The following ZDHHC14 variants were observed in gnomAD, a reference collection of about 807,000 sequenced individuals.
ZDHHC14 encodes the protein palmitoyltransferase ZDHHC14.
In ZDHHC14, 16 loss-of-function variants were observed where a neutral mutation model predicts 47.7. The observed-to-expected ratio is 0.34, with a 90% CI of 0.23 to 0.51. The LOEUF (loss-of-function observed/expected upper bound fraction) is 0.51. ZDHHC14 is among the 20% of genes least tolerant of loss of function. The probability of loss-of-function intolerance (pLI) is 0.97; values close to 1 mark genes in which losing one functional copy is unlikely to be tolerated. For synonymous variants in ZDHHC14, 293 were observed against 278.9 expected, an observed-to-expected ratio of 1.05 and a Z score of -0.50; for missense variants, 515 against 662.5, an observed-to-expected ratio of 0.78 and a Z score of 2.44.
chr6:157,571,049 C>T (rs958987005), intron 2 of ZDHHC14, among the ~76,000 whole-genome samples: 2 of 152,122 alleles, frequency 1.3e-5, no homozygotes, highest in Non-Finnish European at 2.9e-5. Context: ...TTTACTGGGG[C>T]CATTCTATGT....
chr6:157,579,788 C>G (rs1387594175), intron 2 of ZDHHC14, among the ~76,000 whole-genome samples: 2 of 152,156 alleles, frequency 1.3e-5, no homozygotes, highest in Non-Finnish European at 2.9e-5. Context: ...AGCTTTTGGG[C>G]AGAGACTCTG....
intron 1 of ZDHHC14, among the ~76,000 whole-genome samples, chr6:157,467,602 T>C (rs1439690724): frequency 6.6e-6 from 1 of 151,704 alleles, no homozygotes; most frequent in Non-Finnish European, 1.5e-5. Flanking sequence ...TAGGCTGGAG[T>C]ACAGTGACAT....
intron 7 of ZDHHC14, among the ~76,000 whole-genome samples, chr6:157,648,807 C>T (rs548407674): frequency 1.3e-5 from 2 of 152,306 alleles, no homozygotes; most frequent in Non-Finnish European, 2.9e-5. Flanking sequence ...TTTGTCACAG[C>T]GTCCATGGTG....
chr6:157,611,467 G>A (rs149564573), intron 3 of ZDHHC14, among the ~76,000 whole-genome samples: 2,373 of 152,230 alleles, frequency 0.016, 60 homozygotes, highest in African/African-American at 0.054. Context: ...TTTGGAGAGA[G>A]CATCCCTGGC....
intron 5 of ZDHHC14, among the ~76,000 whole-genome samples, chr6:157,636,025 C>T (rs963208679): frequency 5.9e-5 from 9 of 152,140 alleles, no homozygotes; most frequent in Non-Finnish European, 8.8e-5. Context: ...TTCCCGGCAC[C>T]TCCTCCACAC....
chr6:157,429,766 C>T (rs1204555494), intron 1 of ZDHHC14, among the ~76,000 whole-genome samples: 1 of 152,220 alleles, frequency 6.6e-6, no homozygotes, highest in African/African-American at 2.4e-5. Context: ...CAGCAGCCAT[C>T]TGTCTTCTCC....
intron 3 of ZDHHC14, among the ~76,000 whole-genome samples, chr6:157,623,129 C>T (rs560040453): frequency 1.1e-4 from 17 of 152,344 alleles, no homozygotes; most frequent in African/African-American, 3.6e-4. Flanking sequence ...CATTCACCAG[C>T]TGGCTCTTAG....
intron 2 of ZDHHC14, among the ~76,000 whole-genome samples, chr6:157,548,365 G>C (rs540714222): frequency 6.6e-6 from 1 of 152,258 alleles, no homozygotes; most frequent in South Asian, 2.1e-4. Flanking sequence ...CCGGTGTGGG[G>C]GTCCTTGCTG....
intron 3 of ZDHHC14, among the ~76,000 whole-genome samples, chr6:157,613,871 A>T (rs1450364552): frequency 1.3e-5 from 2 of 152,208 alleles, no homozygotes; most frequent in Non-Finnish European, 2.9e-5. Context: ...GGAATGAAAA[A>T]AAAAGTCTAA....
chr6:157,412,058 C>G (rs1430897117), intron 1 of ZDHHC14, among the ~76,000 whole-genome samples: 3 of 151,356 alleles, frequency 2.0e-5, no homozygotes, highest in Non-Finnish European at 4.4e-5. Context: ...CCTGCCTCAG[C>G]CTCCCAAGTA....
chr6:157,397,139 G>A (rs1777537539), intron 1 of ZDHHC14, among the ~76,000 whole-genome samples: 1 of 152,186 alleles, frequency 6.6e-6, no homozygotes, highest in African/African-American at 2.4e-5. Flanking sequence ...GTATTGTCAA[G>A]ACAGATCTCA....
At chr6:157,657,615 A>G (rs1583086332) in intron 8 of ZDHHC14, among the ~76,000 whole-genome samples, 1 of 152,196 alleles carries the variant, frequency 6.6e-6, no homozygotes, top group Non-Finnish European at 1.5e-5. Flanking sequence ...ATCAGTGAGT[A>G]CCATGGTCTA....
At chr6:157,475,270 C>T (rs1262737303) in intron 1 of ZDHHC14, among the ~76,000 whole-genome samples, 1 of 152,066 alleles carries the variant, frequency 6.6e-6, no homozygotes, top group African/African-American at 2.4e-5. Context: ...GTTTTGATTA[C>T]TATTGTTTTC....
intron 1 of ZDHHC14, among the ~76,000 whole-genome samples, chr6:157,459,234 G>GACGTA (rs201329696): frequency 0.012 from 1,880 of 152,226 alleles, 31 homozygotes; most frequent in African/African-American, 0.043. Flanking sequence ...ACAAATTGTT[G>GACGTA]ACGTTCATCA....
At chr6:157,596,096 C>A (rs1291574782) in intron 3 of ZDHHC14, among the ~76,000 whole-genome samples, 2 of 152,176 alleles carry the variant, frequency 1.3e-5, no homozygotes, top group Non-Finnish European at 2.9e-5. Context: ...CAAAACACCA[C>A]CCAGTGATTG....
intron 1 of ZDHHC14, among the ~76,000 whole-genome samples, chr6:157,476,204 A>C (rs372723559): frequency 2.6e-5 from 4 of 152,248 alleles, no homozygotes; most frequent in Admixed American, 1.3e-4. Context: ...TAGACTAAAA[A>C]CGAAAAAAGA....
intron 8 of ZDHHC14, among the ~76,000 whole-genome samples, chr6:157,655,351 A>C (rs572471302): frequency 6.6e-6 from 1 of 152,196 alleles, no homozygotes; most frequent in African/African-American, 2.4e-5. Flanking sequence ...TTGATCATCC[A>C]TCTACCCAAG....
intron 2 of ZDHHC14, among the ~76,000 whole-genome samples, chr6:157,577,708 C>T (rs539482334): frequency 6.6e-6 from 1 of 152,176 alleles, no homozygotes; most frequent in Non-Finnish European, 1.5e-5. Flanking sequence ...TGGCACCACA[C>T]CTGGCTAATT....
intron 2 of ZDHHC14, among the ~76,000 whole-genome samples, chr6:157,568,286 A>C (rs774309745): frequency 2.0e-5 from 3 of 152,212 alleles, no homozygotes; most frequent in African/African-American, 2.4e-5. Flanking sequence ...AATAAAGAAG[A>C]AAATGAAAAT....
Sources: allele counts gnomAD v4.1 joint callset (sites outside exome capture counted in the v4.1 genomes callset), GRCh38; gene constraint gnomAD v4.1.1; transcripts MANE v1.5; gene names NCBI Gene and HGNC (gene_info 2026-07-23, HGNC 2026-07-21).